Variants in TENM3 observed in about 807,000 individuals in gnomAD.
TENM3 encodes teneurin-3.
In TENM3, 63 loss-of-function variants were observed where a neutral mutation model predicts 255.1. That is an observed-to-expected ratio of 0.25 (90% CI 0.20 to 0.30). The LOEUF (loss-of-function observed/expected upper bound fraction) is 0.30. TENM3 is among the 10% of genes least tolerant of loss of function. The probability of loss-of-function intolerance (pLI) is 1.00; values close to 1 mark genes in which losing one functional copy is unlikely to be tolerated. For synonymous variants in TENM3, 1,306 were observed against 1,322.3 expected (o/e 0.99, Z 0.27); for missense variants, 2,929 against 3,461.1 (o/e 0.85, Z 3.86).
the TENM3 span, among the ~76,000 whole-genome samples, chr4:181,873,764 G>A: frequency 6.6e-6 from 1 of 151,756 alleles, no homozygotes; most frequent in African/African-American, 2.4e-5. Context: ...GTGTGTGTGT[G>A]TGTGTGGTTT....
intron 16 of TENM3, among the ~76,000 whole-genome samples, chr4:182,731,575 A>G (rs1760710913): frequency 6.6e-6 from 1 of 151,934 alleles, no homozygotes; most frequent in Admixed American, 6.6e-5. Context: ...ATCTTTAAAT[A>G]ATTCTATAAG....
intron 6 of TENM3, among the ~76,000 whole-genome samples, chr4:182,654,581 C>G (rs1438319471): frequency 6.6e-6 from 1 of 152,052 alleles, no homozygotes. Context: ...TGCAAAATAT[C>G]ATAATACTTT....
At chr4:182,586,233 G>A (rs147347213) in intron 3 of TENM3, among the ~76,000 whole-genome samples, 4 of 152,188 alleles carry the variant, frequency 2.6e-5, no homozygotes, top group African/African-American at 9.6e-5. Flanking sequence ...CTCCAGCCTG[G>A]GCAACACAGC....
At chr4:181,797,441 C>G in the TENM3 span, among the ~76,000 whole-genome samples, 1 of 152,112 alleles carries the variant, frequency 6.6e-6, no homozygotes, top group African/African-American at 2.4e-5. Flanking sequence ...CCTTTTTCCT[C>G]TGGTTGTTTT....
the TENM3 span, among the ~76,000 whole-genome samples, chr4:181,486,549 T>C: frequency 3.3e-5 from 5 of 152,220 alleles, no homozygotes; most frequent in Non-Finnish European, 7.3e-5. Context: ...GCTAAATGAA[T>C]CGCAGATAAA....
At chr4:181,627,566 A>G in the TENM3 span, among the ~76,000 whole-genome samples, 35 of 151,928 alleles carry the variant, frequency 2.3e-4, no homozygotes, top group African/African-American at 7.7e-4. Flanking sequence ...ATTCCCACCT[A>G]TGAGTGAGAA....
chr4:182,494,737 T>C (rs1020690291), intron 3 of TENM3, among the ~76,000 whole-genome samples: 8 of 152,198 alleles, frequency 5.3e-5, no homozygotes, highest in Non-Finnish European at 8.8e-5. Context: ...TTTTCCCTGA[T>C]TGAATATATT....
chr4:182,786,876 G>T (rs568305487), intron 24 of TENM3, among the ~76,000 whole-genome samples: 7 of 152,122 alleles, frequency 4.6e-5, no homozygotes, highest in Non-Finnish European at 8.8e-5. Context: ...AACATTCAGG[G>T]TATTTTTTCC....
At position 182,793,854 on chromosome 4, in the gene TENM3, C is replaced by A; in HGVS notation, c.7182C>A (p.Ser2394Arg). 1 of 1,611,204 alleles carries A rather than the reference C, an allele frequency of 6.2e-7. No homozygotes were observed. The highest frequency in any genetic ancestry group is 8.5e-7 in the Non-Finnish European group (1 of 1,178,266). Residue 2394 changes from serine (S) to arginine (R), a missense_variant, in exon 26 of 28, where the codon AGC (serine) becomes AGA (arginine). Ser to Arg is a moderately radical substitution (Grantham distance 110, BLOSUM62 -1). This residue lies in a region of TENM3 where 476 missense variants were observed against 480.1 expected (regional missense o/e 0.99). Coordinates refer to ENST00000511685, the MANE Select transcript of TENM3 (RefSeq NM_001080477.4). The surrounding 1 kb of genome is among the most constrained non-coding windows in gnomAD (Gnocchi z 5.7). ...LYMFRNNNPA[S>R]KIHDVKDYIT... Reference sequence around the variant, plus strand: ...TGTTTAGGAATAACAACCCTGCAAGCAAAATCCATGACGTGAAAGATTACA... The same window carrying A: ...TGTTTAGGAATAACAACCCTGCAAGAAAAATCCATGACGTGAAAGATTACA...
intron 3 of TENM3, among the ~76,000 whole-genome samples, chr4:182,579,496 G>A (rs1283276501): frequency 6.6e-6 from 1 of 152,162 alleles, no homozygotes; most frequent in African/African-American, 2.4e-5. Flanking sequence ...GGATTTCAGT[G>A]GAAAGGTGAA....
intron 4 of TENM3, among the ~76,000 whole-genome samples, chr4:182,609,066 G>A (rs1443811099): frequency 6.6e-6 from 1 of 152,232 alleles, no homozygotes; most frequent in Non-Finnish European, 1.5e-5. Context: ...CAACTCTTGG[G>A]GATGGGACTG....
the TENM3 span, among the ~76,000 whole-genome samples, chr4:181,466,094 G>A: frequency 5.3e-5 from 8 of 149,962 alleles, no homozygotes; most frequent in African/African-American, 9.8e-5. Context: ...TGTGGAAGGA[G>A]CCTGAGTCTC....
chr4:182,018,118 A>G, the TENM3 span, among the ~76,000 whole-genome samples: 2 of 152,356 alleles, frequency 1.3e-5, no homozygotes, highest in African/African-American at 2.4e-5. Context: ...TTGTACAACC[A>G]GATAACTTAC....
intron 3 of TENM3, among the ~76,000 whole-genome samples, chr4:182,535,139 G>A (rs1035105669): frequency 5.9e-5 from 9 of 152,316 alleles, no homozygotes; most frequent in African/African-American, 1.9e-4. Context: ...CAACAACCAA[G>A]CTGTACATTT....
At chr4:182,315,545 A>C (rs1024436609) in intron 1 of TENM3, among the ~76,000 whole-genome samples, 1 of 152,128 alleles carries the variant, frequency 6.6e-6, no homozygotes, top group Admixed American at 6.6e-5. Context: ...TTGAGCAGTT[A>C]AACATAACCA....
At chr4:182,160,134 C>T (rs1205650581) in intron 1 of TENM3, among the ~76,000 whole-genome samples, 1 of 150,054 alleles carries the variant, frequency 6.7e-6, no homozygotes, top group Non-Finnish European at 1.5e-5. Context: ...TCCCGAGTAG[C>T]TGGGACTACA....
At chr4:181,518,859 G>A in the TENM3 span, among the ~76,000 whole-genome samples, 2 of 152,110 alleles carry the variant, frequency 1.3e-5, no homozygotes, top group Non-Finnish European at 2.9e-5. Context: ...TGGGAGAATC[G>A]TACTGTCCCA....
At chr4:182,314,716 A>T (rs1762651396) in intron 1 of TENM3, among the ~76,000 whole-genome samples, 1 of 152,200 alleles carries the variant, frequency 6.6e-6, no homozygotes, top group Non-Finnish European at 1.5e-5. Flanking sequence ...AAAATTATCC[A>T]ATCTGAAAAT....
the TENM3 span, among the ~76,000 whole-genome samples, chr4:181,733,085 G>T: frequency 1.2e-3 from 186 of 152,308 alleles, no homozygotes; most frequent in African/African-American, 3.7e-3. Context: ...GCAGATGAAG[G>T]TTGGGAGTTG....
Sources: allele counts gnomAD v4.1 joint callset (sites outside exome capture counted in the v4.1 genomes callset), GRCh38; gene constraint gnomAD v4.1.1; regional missense constraint gnomAD v4.1.1; non-coding constraint Gnocchi (gnomAD v3.1); transcripts MANE v1.5; gene names NCBI Gene and HGNC (gene_info 2026-07-23, HGNC 2026-07-21).